Variants in SPIDR observed in about 807,000 individuals in gnomAD.
The protein encoded by SPIDR is scaffold protein involved in DNA repair, also known as DNA repair-scaffolding protein.
SPIDR carries 93 observed loss-of-function variants against 104.6 expected under a neutral mutation model. The observed-to-expected ratio is 0.89, with a 90% CI of 0.75 to 1.06. SPIDR has a LOEUF of 1.06. Ranked by LOEUF, SPIDR falls within the 50% of genes least tolerant of loss-of-function variation. The pLI is 0.00. For synonymous variants in SPIDR, 431 were observed against 416.9 expected (o/e 1.03, Z -0.41); for missense variants, 1,154 against 1,111.2 (o/e 1.04, Z -0.55).
rs587745863 is a variant in SPIDR, at chr8:47,308,348, C to T, written c.525+14318C>T. ...AAAGTGCTGAGATTATAGGCATGAG[C>T]TACCATGCCCGGCCTGCTGTTTTTT... is the stretch of plus-strand genomic sequence containing the variant. On this transcript the variant is annotated intron_variant, in intron 5 of 19. Coordinates refer to ENST00000297423, the MANE Select transcript of SPIDR (RefSeq NM_001080394.4). Among the ~76,000 whole-genome samples the T allele has an allele frequency of 7.3e-5, 11 of 151,358 alleles. No homozygotes were observed. The South Asian group carries it at 2.3e-3, about 32-fold the overall frequency.
intron 8 of SPIDR, among the ~76,000 whole-genome samples, chr8:47,585,258 G>A (rs1465795253): frequency 6.6e-6 from 1 of 152,140 alleles, no homozygotes; most frequent in African/African-American, 2.4e-5. Context: ...TGTGTAACTA[G>A]TACTGATAAT....
chr8:47,322,839 C>G (rs1384200454), intron 5 of SPIDR, among the ~76,000 whole-genome samples: 2 of 151,324 alleles, frequency 1.3e-5, no homozygotes, highest in East Asian at 3.9e-4. Context: ...ATCAGAAGGA[C>G]AAAAAACCAA....
At chr8:47,625,006 G>T (rs183781525) in intron 10 of SPIDR, among the ~76,000 whole-genome samples, 2 of 152,112 alleles carry the variant, frequency 1.3e-5, no homozygotes, top group Admixed American at 1.3e-4. Context: ...CTGGCAAATC[G>T]AATCCAGCAG....
chr8:47,706,554 C>A (rs1348653444), intron 14 of SPIDR, among the ~76,000 whole-genome samples: 1 of 152,196 alleles, frequency 6.6e-6, no homozygotes, highest in Non-Finnish European at 1.5e-5. Context: ...ACTGTCACTG[C>A]AGTCAGAATC....
intron 8 of SPIDR, among the ~76,000 whole-genome samples, chr8:47,482,348 T>A (rs1554727799): frequency 6.6e-6 from 1 of 151,990 alleles, no homozygotes; most frequent in Non-Finnish European, 1.5e-5. Flanking sequence ...GGTGGGAAGA[T>A]CACCTGAGCC....
intron 10 of SPIDR, among the ~76,000 whole-genome samples, chr8:47,661,486 A>G (rs2074096491): frequency 6.6e-6 from 1 of 152,268 alleles, no homozygotes; most frequent in African/African-American, 2.4e-5. Flanking sequence ...AGGACAGCAA[A>G]GGAATGTACT....
intron 5 of SPIDR, among the ~76,000 whole-genome samples, chr8:47,387,197 G>A (rs1326993737): frequency 6.6e-6 from 1 of 152,196 alleles, no homozygotes; most frequent in Non-Finnish European, 1.5e-5. Context: ...CTGAAAGCAC[G>A]TCAGAAGCGC....
intron 5 of SPIDR, among the ~76,000 whole-genome samples, chr8:47,317,795 C>G (rs932009153): frequency 6.6e-6 from 1 of 152,150 alleles, no homozygotes; most frequent in African/African-American, 2.4e-5. Flanking sequence ...TCACCGGTAT[C>G]CGCTGTTCTG....
rs192936268 is a variant in SPIDR at position 47,557,931 on chromosome 8, A to T, written c.1098-37880A>T. Among the ~76,000 whole-genome samples, 934 of 152,156 alleles carry T rather than the reference A, an allele frequency of 6.1e-3. 6 individuals carry two copies. The highest frequency in any genetic ancestry group is 0.015 in the South Asian group (70 of 4,818). Reference sequence around the variant, plus strand: ...GTGCCCTATAGCAGTGGACTAGATTAAAAAAAATGTGGTACATACACACCA... The same window carrying T: ...GTGCCCTATAGCAGTGGACTAGATTTAAAAAAATGTGGTACATACACACCA... On this transcript the variant is annotated intron_variant, in intron 8 of 19. Transcript: ENST00000297423.
chr8:47,407,753 C>A, intron 6 of SPIDR, 108 bp from the exon 7 acceptor site: 1 of 527,984 alleles, frequency 1.9e-6, no homozygotes, highest in Non-Finnish European at 3.2e-6. Flanking sequence ...TAAAATTTTG[C>A]ATGTTTTATC....
intron 11 of SPIDR, among the ~76,000 whole-genome samples, chr8:47,694,190 A>C (rs2079037922): frequency 6.6e-6 from 1 of 152,272 alleles, no homozygotes; most frequent in Non-Finnish European, 1.5e-5. Context: ...TTGTAACTCA[A>C]AATAGGATTC....
chr8:47,434,647 ATC>A (rs1161604049), intron 7 of SPIDR, among the ~76,000 whole-genome samples: 1 of 152,220 alleles, frequency 6.6e-6, no homozygotes, highest in Non-Finnish European at 1.5e-5. Flanking sequence ...TAATTTCAGT[ATC>A]TCTCCCCTCA....
intron 7 of SPIDR, among the ~76,000 whole-genome samples, chr8:47,422,260 G>A (rs1040628332): frequency 2.6e-5 from 4 of 152,030 alleles, no homozygotes; most frequent in Admixed American, 1.3e-4. Flanking sequence ...GCTCCACCCC[G>A]TTTGAGCTTC....
chr8:47,581,161 C>G (rs1218447275), intron 8 of SPIDR, among the ~76,000 whole-genome samples: 1 of 152,160 alleles, frequency 6.6e-6, no homozygotes, highest in African/African-American at 2.4e-5. Context: ...CATATTCTTT[C>G]TATTGCAGCA....
chr8:47,651,981 A>G (rs1588845593), intron 10 of SPIDR, among the ~76,000 whole-genome samples: 1 of 152,278 alleles, frequency 6.6e-6, no homozygotes, highest in Non-Finnish European at 1.5e-5. Context: ...GGTGAAGAAT[A>G]AAAGACTACA....
chr8:47,297,152 C>A (rs2041000038), intron 5 of SPIDR, among the ~76,000 whole-genome samples: 1 of 152,162 alleles, frequency 6.6e-6, no homozygotes, highest in Non-Finnish European at 1.5e-5. Flanking sequence ...GAGACCATGA[C>A]ATCAGCAAAC....
chr8:47,297,781 A>G (rs2041167455), intron 5 of SPIDR, among the ~76,000 whole-genome samples: 1 of 152,224 alleles, frequency 6.6e-6, no homozygotes, highest in Non-Finnish European at 1.5e-5. Context: ...TACAAAGGAC[A>G]TGAACTCATC....
chr8:47,710,209 A>T (rs28683713), intron 14 of SPIDR, among the ~76,000 whole-genome samples: 4,682 of 152,190 alleles, frequency 0.031, 253 homozygotes, highest in African/African-American at 0.11. Context: ...GTGTAGTGGT[A>T]GTACTGCTTT....
intron 19 of SPIDR, among the ~76,000 whole-genome samples, 171 bp from the exon 20 acceptor site, chr8:47,735,136 A>G (rs914811030): frequency 7.1e-6 from 1 of 141,406 alleles, no homozygotes; most frequent in Non-Finnish European, 1.5e-5. Context: ...GTGTGTGTGT[A>G]GTGGCTCTTC....
Sources: allele counts gnomAD v4.1 joint callset (sites outside exome capture counted in the v4.1 genomes callset), GRCh38; gene constraint gnomAD v4.1.1; transcripts MANE v1.5; gene names NCBI Gene and HGNC (gene_info 2026-07-23, HGNC 2026-07-21).